Variants in SPRING1 observed in about 807,000 individuals in gnomAD.
The protein encoded by SPRING1 is SREBP regulating gene protein.
SPRING1 carries 14 observed loss-of-function variants against 24.7 expected under a neutral mutation model. The observed-to-expected ratio is 0.57, with a 90% confidence interval of 0.37 to 0.88. The LOEUF (loss-of-function observed/expected upper bound fraction) is 0.88. Ranked by LOEUF, SPRING1 falls within the 40% of genes least tolerant of loss-of-function variation. SPRING1 has a pLI of 0.00. For missense variants in SPRING1, 255 were observed against 268.4 expected (o/e 0.95, Z 0.35); for synonymous variants, 93 against 106.1 (o/e 0.88, Z 0.76).
intron 1 of SPRING1, among the ~76,000 whole-genome samples, chr12:116,735,583 T>C (rs1871179382): frequency 6.6e-6 from 1 of 151,324 alleles, no homozygotes. Context: ...AATACAAAAA[T>C]TAGTCGGGTG....
At chr12:116,730,415 A>T (rs939325509) in intron 1 of SPRING1, among the ~76,000 whole-genome samples, 1 of 151,688 alleles carries the variant, frequency 6.6e-6, no homozygotes, top group African/African-American at 2.4e-5. Flanking sequence ...TGTTGGCCAG[A>T]CTGGTCTGAA....
rs139730839 is a variant in SPRING1 at position 116,723,117 on chromosome 12, T to C, written c.218A>G (p.Asn73Ser). The change falls in exon 2 of 5, where the codon AAT becomes AGT. Residue 73 changes from asparagine to serine, a missense_variant. By Grantham distance (46) the Asn-to-Ser change is conservative. Coordinates refer to ENST00000261318, the MANE Select transcript of SPRING1 (RefSeq NM_024738.4). Reference sequence around the variant, plus strand: ...CCCTTGAATGGAGTTGCGGCACTGATTGCTCGGACGACTGCTATTGCCCAA... The same window carrying C: ...CCCTTGAATGGAGTTGCGGCACTGACTGCTCGGACGACTGCTATTGCCCAA... ...FNLGNSSRPS[N>S]QCRNSIQGKH... The C allele has an allele frequency of 9.3e-6, 15 of 1,612,822 alleles. No homozygotes were observed. The East Asian group carries it at 1.3e-4, about 14-fold the overall frequency.
chr12:116,736,043 A>T lies in SPRING1; in HGVS notation c.111+1747T>A, dbSNP rs998670010. On this transcript the variant is annotated intron_variant, in intron 1 of 4. Coordinates refer to ENST00000261318, the MANE Select transcript of SPRING1 (RefSeq NM_024738.4). ...GCAAGAGCAAAACTCAGTCTTTAAA[A>T]AAAAAAAAAAAAAAAAAAAAAAAAG... Among the ~76,000 whole-genome samples the T allele has an allele frequency of 3.2e-4, 11 of 34,430 alleles. No individual in the cohort carries two copies. The South Asian group carries it at 4.0e-3, about 13-fold the overall frequency. 22.6% of individuals were successfully genotyped at this position (34,430 alleles called of 152,430 possible). A position where few individuals can be genotyped will look rare whatever the true frequency, so the allele number is the denominator to read the frequency against.
At position 116,711,929 on chromosome 12, in the gene SPRING1, C is replaced by T. The variant is rs1168681405; in HGVS notation, c.*5881G>A. ...CACACCCGGCTGCCAACACCACTTT[C>T]GATTTTGGGATAATCTGGGTGCACA... On this transcript the variant is annotated 3_prime_UTR_variant, in exon 5 of 5. Coordinates refer to ENST00000261318, the MANE Select transcript of SPRING1 (RefSeq NM_024738.4). 2 of 152,094 alleles carry T rather than the reference C, an allele frequency of 1.3e-5. No individual in the cohort carries two copies. Among genetic ancestry groups the T allele is most frequent in the Non-Finnish European group, 2.9e-5 (2 of 68,042 alleles). 9.4% of individuals were successfully genotyped at this position (152,094 alleles called of 1,614,324 possible).
Position 116,720,492 on chromosome 12 carries a change from C to G in SPRING1, c.269-45G>C, listed in dbSNP as rs1870375823. 1 of 1,604,204 alleles carries G rather than the reference C, an allele frequency of 6.2e-7. No individual in the cohort carries two copies. Among genetic ancestry groups the G allele is most frequent in the African/African-American group, 1.3e-5 (1 of 74,758 alleles). On this transcript the variant is annotated intron_variant, in intron 2 of 4. Transcript: ENST00000261318. The surrounding 1 kb of genome is among the most constrained non-coding windows in gnomAD (Gnocchi z 4.0). Reference sequence around the variant, plus strand: ...CTTAGCATAAAACCAGCAGCCTTGCCACCTCCCTACCAGGGATGACCATGA... The same window carrying G: ...CTTAGCATAAAACCAGCAGCCTTGCGACCTCCCTACCAGGGATGACCATGA...
intron 1 of SPRING1, among the ~76,000 whole-genome samples, chr12:116,735,595 G>C (rs1266240263): frequency 1.3e-5 from 2 of 152,072 alleles, no homozygotes; most frequent in Non-Finnish European, 2.9e-5. Flanking sequence ...AGTCGGGTGT[G>C]GTGGTGCATG....
chr12:116,716,221 G>A lies in SPRING1; in HGVS notation c.*1589C>T, dbSNP rs573007283. 1 of 152,228 alleles carries A rather than the reference G, an allele frequency of 6.6e-6. No homozygotes were observed. Among genetic ancestry groups the A allele is most frequent in the East Asian group, 1.9e-4 (1 of 5,188 alleles). The allele number at this position is 152,228 out of a possible 1,614,324, so 9.4% of individuals were successfully genotyped here. A position where few individuals can be genotyped will look rare whatever the true frequency, so the allele number is the denominator to read the frequency against. ...AATTGCCTGACCAGCTTACCTTCTA[G>A]GAAAACTTATTTAAGGGAGGCAAAT... On this transcript the variant is annotated 3_prime_UTR_variant, in exon 5 of 5. Coordinates refer to ENST00000261318, the MANE Select transcript of SPRING1 (RefSeq NM_024738.4).
At chr12:116,722,149 G>GT (rs997736441) in intron 2 of SPRING1, among the ~76,000 whole-genome samples, 7 of 152,136 alleles carry the variant, frequency 4.6e-5, no homozygotes, top group Non-Finnish European at 8.8e-5. Context: ...GCTAAGAAGC[G>GT]TAAGTTCTTA....
At chr12:116,732,563 G>C (rs7976188) in intron 1 of SPRING1, among the ~76,000 whole-genome samples, 135,938 of 152,216 alleles carry the variant, frequency 0.89, 60,852 homozygotes, top group East Asian at 0.99. Context: ...CAAAATTAGC[G>C]AGGCATGGTG....
intron 1 of SPRING1, among the ~76,000 whole-genome samples, chr12:116,726,333 A>G (rs551882465): frequency 1.3e-5 from 2 of 152,342 alleles, no homozygotes; most frequent in African/African-American, 4.8e-5. Context: ...CCCACATTAC[A>G]TCTACCACCT....
At position 116,720,215 on chromosome 12, in the gene SPRING1, C is replaced by T; in HGVS notation, c.420+81G>A. The T allele has an allele frequency of 2.1e-6, 3 of 1,457,844 alleles. No individual in the cohort carries two copies. Among genetic ancestry groups the T allele is most frequent in the Non-Finnish European group, 1.8e-6 (2 of 1,093,002 alleles). The allele number at this position is 1,457,844 out of a possible 1,614,324, so 90.3% of individuals were successfully genotyped here. ...CTAAGTTTTATTTTCAGAGGAATCT[C>T]ACATGAAGAGCCTAATGCTCATCAT... is the stretch of plus-strand genomic sequence containing the variant. On this transcript the variant is annotated intron_variant, in intron 3 of 4. Coordinates refer to ENST00000261318, the MANE Select transcript of SPRING1 (RefSeq NM_024738.4). The surrounding 1 kb of genome is among the most constrained non-coding windows in gnomAD (Gnocchi z 4.0).
chr12:116,734,589 G>A (rs1225819755), intron 1 of SPRING1, among the ~76,000 whole-genome samples: 1 of 152,176 alleles, frequency 6.6e-6, no homozygotes, highest in Non-Finnish European at 1.5e-5. Flanking sequence ...CCATGAAGTG[G>A]CTGGCAGTAT....
chr12:116,714,360 CCCA>C lies in SPRING1; in HGVS notation c.*3447_*3449del, dbSNP rs1870012873. On this transcript the variant is annotated 3_prime_UTR_variant, in exon 5 of 5. Transcript: ENST00000261318. ...AAACTTGCAAATTGTGCAACTGTTCCCCACGATTCCCTTGGGGCCAGTGCCGAC... is the reference window on the plus strand; with the variant it reads ...AAACTTGCAAATTGTGCAACTGTTCCCGATTCCCTTGGGGCCAGTGCCGAC... 6.6e-6 allele frequency: 1 copy of C among 152,214 alleles called. No homozygotes were observed. The highest frequency in any genetic ancestry group is 1.5e-5 in the Non-Finnish European group (1 of 68,052). 9.4% of individuals were successfully genotyped at this position (152,214 alleles called of 1,614,324 possible).
chr12:116,717,974 T>A lies in SPRING1; in HGVS notation c.535-81A>T. 8.3e-7 allele frequency: 1 copy of A among 1,205,776 alleles called. No homozygotes were observed. Among genetic ancestry groups the A allele is most frequent in the Non-Finnish European group, 1.1e-6 (1 of 878,434 alleles). The allele number at this position is 1,205,776 out of a possible 1,614,324, so 74.7% of individuals were successfully genotyped here. A position where few individuals can be genotyped will look rare whatever the true frequency, so the allele number is the denominator to read the frequency against. On this transcript the variant is annotated intron_variant, in intron 4 of 4. Transcript: ENST00000261318. This position sits in a 1 kb window ranked among gnomAD's most constrained non-coding sequence, Gnocchi z 4.2. Reference sequence around the variant, plus strand: ...TCCCTCTCGGAAGAGTGAGAGTGGATCGGGACTGTCAGACTCTCCCTGCAG... The same window carrying A: ...TCCCTCTCGGAAGAGTGAGAGTGGAACGGGACTGTCAGACTCTCCCTGCAG...
At position 116,716,012 on chromosome 12, in the gene SPRING1, T is replaced by C. The variant is rs1386329312; in HGVS notation, c.*1798A>G. 1 of 152,196 alleles carries C rather than the reference T, an allele frequency of 6.6e-6. No homozygotes were observed. Among genetic ancestry groups the C allele is most frequent in the Non-Finnish European group, 1.5e-5 (1 of 68,034 alleles). 9.4% of individuals were successfully genotyped at this position (152,196 alleles called of 1,614,324 possible). A position where few individuals can be genotyped will look rare whatever the true frequency, so the allele number is the denominator to read the frequency against. ...AGCTCAAAGGAGAGGCTGATTCCAATGTCAACCCAGGGAAGACAGACACTG... is the reference window on the plus strand; with the variant it reads ...AGCTCAAAGGAGAGGCTGATTCCAACGTCAACCCAGGGAAGACAGACACTG... On this transcript the variant is annotated 3_prime_UTR_variant, in exon 5 of 5. Transcript: ENST00000261318.
At position 116,720,436 on chromosome 12, in the gene SPRING1, C is replaced by A. The variant is rs558278615; in HGVS notation, c.280G>T (p.Glu94Ter). 1 of 1,613,992 alleles carries A rather than the reference C, an allele frequency of 6.2e-7. No individual in the cohort carries two copies. The highest frequency in any genetic ancestry group is 1.7e-5 in the Admixed American group (1 of 59,994). The change falls in exon 3 of 5, where the codon GAG (glutamate) becomes TAG (stop). Residue 94 changes from glutamate (E) to a stop codon, truncating the protein, a stop_gained. Transcript: ENST00000261318. LOFTEE classifies it high-confidence loss of function. The surrounding 1 kb of genome is among the most constrained non-coding windows in gnomAD (Gnocchi z 4.0). ...LITDELGYVC[E>*]RKDLLVNGCC... The stretch of plus-strand genomic sequence containing the variant: ...CCATTTACCAGCAAATCCTTCCTCT[C>A]GCAAACGTAGCCTGAAAGTCAGAGA...
At chr12:116,737,703 G>A (rs1592928512) in intron 1 of SPRING1, 87 bp downstream of exon 1, 16 of 1,347,078 alleles carry the variant, frequency 1.2e-5, no homozygotes, top group Non-Finnish European at 1.2e-5. Flanking sequence ...AAAGGAGGAA[G>A]GTAACGAAGG....
chr12:116,725,087 T>C (rs144138765), intron 1 of SPRING1, among the ~76,000 whole-genome samples: 2,289 of 152,338 alleles, frequency 0.015, 26 homozygotes, highest in Non-Finnish European at 0.023. Flanking sequence ...GATAATGGTA[T>C]GGAAAGATAT....
intron 1 of SPRING1, among the ~76,000 whole-genome samples, chr12:116,737,379 AG>A (rs1871282892): frequency 2.6e-5 from 4 of 150,952 alleles, no homozygotes. Flanking sequence ...CAGGGAAGAA[AG>A]GGAGTAAAGG....
Sources: allele counts gnomAD v4.1 joint callset (sites outside exome capture counted in the v4.1 genomes callset), GRCh38; gene constraint gnomAD v4.1.1; non-coding constraint Gnocchi (gnomAD v3.1); transcripts MANE v1.5; gene names NCBI Gene and HGNC (gene_info 2026-07-23, HGNC 2026-07-21).